Variants in NDC80 observed in about 807,000 individuals in gnomAD.
The protein encoded by NDC80 is NDC80 kinetochore complex component, also known as kinetochore protein NDC80 homolog.
NDC80 carries 69 observed loss-of-function variants against 89.3 expected under a neutral mutation model. That is an observed-to-expected ratio of 0.77 (90% CI 0.64 to 0.94). The LOEUF is 0.94. Ranked by LOEUF, NDC80 falls within the 40% of genes least tolerant of loss-of-function variation. The pLI is 0.00. For missense variants in NDC80, 593 were observed against 739.6 expected (o/e 0.80, Z 2.30); for synonymous variants, 243 against 255.6 (o/e 0.95, Z 0.47).
In NDC80 at chr18:2,585,118, T is replaced by C. The variant is rs377476640; in HGVS notation, c.585T>C (p.His195=). The change falls in exon 7 of 17, where the codon CAT becomes CAC. Residue 195 remains histidine, a synonymous_variant. Transcript: ENST00000261597. ...LVWLIDCIKI[H]TAMKESSPLF... ...CTTGCTTGTGTACTAATTAGATACA[T>C]ACTGCCATGAAAGAAAGCTCACCTT... 55 of 1,612,588 alleles carry C rather than the reference T, an allele frequency of 3.4e-5. No homozygotes were observed. Among genetic ancestry groups the C allele is most frequent in the Non-Finnish European group, 4.5e-5 (53 of 1,178,978 alleles).
chr18:2,598,482 G>T (rs2072668593), intron 11 of NDC80, among the ~76,000 whole-genome samples: 1 of 152,158 alleles, frequency 6.6e-6, no homozygotes. Flanking sequence ...TATATTAGGG[G>T]AAAGCCTTTC....
At chr18:2,614,133 A>G (rs1346439460) in intron 16 of NDC80, among the ~76,000 whole-genome samples, 1 of 152,154 alleles carries the variant, frequency 6.6e-6, no homozygotes, top group Non-Finnish European at 1.5e-5. Flanking sequence ...AAATTGATAA[A>G]ATAATTTTAG....
Position 2,588,317 on chromosome 18 carries a change from T to C in NDC80, c.763+394T>C, listed in dbSNP as rs544182589. Among the ~76,000 whole-genome samples the C allele has an allele frequency of 2.0e-5, 3 of 152,256 alleles. No individual in the cohort carries two copies. In the South Asian group the frequency reaches 6.2e-4, roughly 31 times the overall value. On this transcript the variant is annotated intron_variant, in intron 8 of 16. Transcript: ENST00000261597. ...TTGTCCTTGCTTACTATTTGAGAAA[T>C]TAAAGCACCAATTAGTCAAAAGACC...
At chr18:2,588,902 T>G (rs1164316421) in intron 8 of NDC80, among the ~76,000 whole-genome samples, 1 of 152,140 alleles carries the variant, frequency 6.6e-6, no homozygotes, top group African/African-American at 2.4e-5. Flanking sequence ...ATGAATAGGA[T>G]AAAAACCTCT....
At position 2,607,991 on chromosome 18, in the gene NDC80, ATATATAT is replaced by A. The variant is rs1568011730; in HGVS notation, c.1558-708_1558-702del. ...TATATATATATATATATATATATAT[ATATATAT>A]AACTTATTTAGCTAGCCCCTTATTA... On this transcript the variant is annotated intron_variant, in intron 14 of 16. Transcript: ENST00000261597. Among the ~76,000 whole-genome samples, 17 of 130,614 alleles carry A rather than the reference ATATATAT, an allele frequency of 1.3e-4. 1 individual carries two copies. Among genetic ancestry groups the A allele is most frequent in the Non-Finnish European group, 2.5e-4 (15 of 60,340 alleles). 85.7% of individuals were successfully genotyped at this position (130,614 alleles called of 152,430 possible).
intron 13 of NDC80, among the ~76,000 whole-genome samples, chr18:2,605,787 TG>T (rs2143664081): frequency 1.3e-5 from 2 of 152,268 alleles, no homozygotes; most frequent in East Asian, 3.9e-4. Flanking sequence ...AGTTTCCTCT[TG>T]GTATAGCTGA....
chr18:2,593,916 T>G (rs2072640346), intron 10 of NDC80: 1 of 129,462 alleles, frequency 7.7e-6, no homozygotes. Context: ...TTATTTTATT[T>G]TATTTTCCGG....
At chr18:2,597,241 G>A (rs554417918) in intron 11 of NDC80, among the ~76,000 whole-genome samples, 7 of 152,102 alleles carry the variant, frequency 4.6e-5, no homozygotes, top group African/African-American at 1.7e-4. Context: ...AGCAAGAGAT[G>A]AGACTCAAGA....
chr18:2,611,936 G>C (rs1279537419), intron 16 of NDC80, among the ~76,000 whole-genome samples: 1 of 151,530 alleles, frequency 6.6e-6, no homozygotes, highest in African/African-American at 2.4e-5. Context: ...TAGATGCTAT[G>C]TCAGAAAACG....
At position 2,608,833 on chromosome 18, in the gene NDC80, A is replaced by G; in HGVS notation, c.1688+3A>G. 6 of 1,600,798 alleles carry G rather than the reference A, an allele frequency of 3.7e-6. No homozygotes were observed. The highest frequency in any genetic ancestry group is 5.1e-6 in the Non-Finnish European group (6 of 1,170,006). On this transcript the variant is annotated splice_donor_region_variant and intron_variant, in intron 15 of 16. Transcript: ENST00000261597. ...GAATTAGATGCTGTTCAGCGGGAGT[A>G]AGTTTATCTCACCAAGATTTATACG...
In NDC80 at chr18:2,616,572, T is replaced by A. The variant is rs766107874; in HGVS notation, c.1927T>A (p.Ter643ArgextTer2). ...TACTCTAATTAAGTCTTCTGAAGAA[T>A]GAAGATAAAATGTTGATCATGTATA... is the stretch of plus-strand genomic sequence containing the variant. ...KATLIKSSEE[*>R] The change falls in exon 17 of 17, where the codon TGA becomes AGA. Residue 643 changes from the stop codon to arginine, a stop_lost. Coordinates refer to ENST00000261597, the MANE Select transcript of NDC80 (RefSeq NM_006101.3). The A allele has an allele frequency of 7.2e-7, 1 of 1,388,196 alleles. No individual in the cohort carries two copies. Among genetic ancestry groups the A allele is most frequent in the Non-Finnish European group, 9.7e-7 (1 of 1,025,944 alleles). 86.0% of individuals were successfully genotyped at this position (1,388,196 alleles called of 1,614,324 possible).
At chr18:2,610,465 A>C (rs976260791) in intron 15 of NDC80, among the ~76,000 whole-genome samples, 1 of 152,200 alleles carries the variant, frequency 6.6e-6, no homozygotes, top group Non-Finnish European at 1.5e-5. Flanking sequence ...TTGCCCAGAA[A>C]GCATTTGAGT....
At chr18:2,590,214 T>A (rs765714619) in intron 10 of NDC80, 52 bp downstream of exon 10, 1 of 1,491,342 alleles carries the variant, frequency 6.7e-7, no homozygotes. Context: ...GTGGGATTTG[T>A]CACATGTAAA....
intron 10 of NDC80, among the ~76,000 whole-genome samples, chr18:2,593,013 GGT>G (rs56851912): frequency 0.081 from 8,776 of 107,962 alleles, 378 homozygotes; most frequent in Middle Eastern, 0.091. Flanking sequence ...AATAAACTCT[GGT>G]GTGTGTGTGT....
chr18:2,582,461 A>G (rs2072583286), intron 6 of NDC80: 1 of 152,044 alleles, frequency 6.6e-6, no homozygotes, highest in Non-Finnish European at 1.5e-5. Context: ...TCTTTTTTTA[A>G]TTCTATTTCC....
intron 2 of NDC80, 78 bp downstream of exon 2, chr18:2,573,164 A>C: frequency 8.8e-7 from 1 of 1,137,468 alleles, no homozygotes; most frequent in Non-Finnish European, 1.3e-6. Flanking sequence ...AGTTAATATA[A>C]AGATGTAATA....
chr18:2,605,489 G>C lies in NDC80; in HGVS notation c.1465-926G>C, dbSNP rs2072706808. 2.0e-5 allele frequency among the ~76,000 whole-genome samples: 3 copies of C among 152,226 alleles called. No individual in the cohort carries two copies. The South Asian group carries it at 6.2e-4, about 32-fold the overall frequency. Reference sequence around the variant, plus strand: ...ATCAGTGGAAGTTCTGGTTACTTGAGTATCTGTTGTTGTTATTACAAGTGA... The same window carrying C: ...ATCAGTGGAAGTTCTGGTTACTTGACTATCTGTTGTTGTTATTACAAGTGA... On this transcript the variant is annotated intron_variant, in intron 13 of 16. Coordinates refer to ENST00000261597, the MANE Select transcript of NDC80 (RefSeq NM_006101.3).
In NDC80 at chr18:2,580,731, A is replaced by ATTTTTTTTTTTTTTTTTTTTTTTT. The variant is rs71365186; in HGVS notation, c.579+1708_579+1731dup. ...ACTACTTTTTTGGTCTCACCATCAG[A>ATTTTTTTTTTTTTTTTTTTTTTTT]TTTTTTTTTTTTTTTTTTTTTTTTT... On this transcript the variant is annotated intron_variant, in intron 6 of 16. Transcript: ENST00000261597. Among the ~76,000 whole-genome samples the ATTTTTTTTTTTTTTTTTTTTTTTT allele has an allele frequency of 6.9e-4, 38 of 55,450 alleles. 14 individuals are homozygous for ATTTTTTTTTTTTTTTTTTTTTTTT. The highest frequency in any genetic ancestry group is 1.5e-3 in the South Asian group (1 of 686). 36.4% of individuals were successfully genotyped at this position (55,450 alleles called of 152,430 possible). A position where few individuals can be genotyped will look rare whatever the true frequency, so the allele number is the denominator to read the frequency against.
chr18:2,616,362 T>A, intron 16 of NDC80, 75 bp from the exon 17 acceptor site: 1 of 1,090,992 alleles, frequency 9.2e-7, no homozygotes, highest in Non-Finnish European at 1.3e-6. Context: ...TCCTCTTGTT[T>A]GTAAATTTTA....
Sources: allele counts gnomAD v4.1 joint callset (sites outside exome capture counted in the v4.1 genomes callset), GRCh38; gene constraint gnomAD v4.1.1; transcripts MANE v1.5; gene names NCBI Gene and HGNC (gene_info 2026-07-23, HGNC 2026-07-21).